The following PER3 variants were observed in gnomAD, a reference collection of about 807,000 sequenced individuals.
PER3 encodes period circadian regulator 3.
PER3 carries 107 observed loss-of-function variants against 127.2 expected under a neutral mutation model. The ratio of observed to expected loss-of-function variants is 0.84; its 90% CI spans 0.72 to 0.99. The LOEUF (loss-of-function observed/expected upper bound fraction) is 0.99. Among genes scored for constraint, PER3 ranks in the 50% least tolerant of loss-of-function variants. PER3 has a pLI of 0.00. For synonymous variants in PER3, 618 were observed against 585.8 expected (o/e 1.05, Z -0.79); for missense variants, 1,560 against 1,525.8 (o/e 1.02, Z -0.37).
chr1:7,798,023 C>A (rs554499928), intron 6 of PER3, among the ~76,000 whole-genome samples: 1 of 152,300 alleles, frequency 6.6e-6, no homozygotes, highest in South Asian at 2.1e-4. Context: ...AGCCAGATGC[C>A]TTTATAGATG....
Position 7,843,930 on chromosome 1 carries a change from T to A in PER3, c.*1175T>A. The A allele has an allele frequency of 7.8e-7, 1 of 1,284,828 alleles. No individual in the cohort carries two copies. The highest frequency in any genetic ancestry group is 1.3e-5 in the South Asian group (1 of 77,044). 79.6% of individuals were successfully genotyped at this position (1,284,828 alleles called of 1,614,324 possible). A position where few individuals can be genotyped will look rare whatever the true frequency, so the allele number is the denominator to read the frequency against. ...CCCTGATTCCTTCTTAAACTTGGAATGATAGATGAAATTCACACCCCTGCA... is the reference window on the plus strand; with the variant it reads ...CCCTGATTCCTTCTTAAACTTGGAAAGATAGATGAAATTCACACCCCTGCA... On this transcript the variant is annotated 3_prime_UTR_variant, in exon 22 of 22. Transcript: ENST00000377532.
intron 9 of PER3, 97 bp downstream of exon 9, chr1:7,803,250 G>C (rs1182199445): frequency 8.7e-5 from 68 of 785,376 alleles, no homozygotes; most frequent in Admixed American, 7.5e-5. Flanking sequence ...TTTAACCAGA[G>C]AGGCATTACA....
At chr1:7,793,935 G>T in intron 5 of PER3, 22 bp from the exon 6 acceptor site, 1 of 1,607,436 alleles carries the variant, frequency 6.2e-7, no homozygotes, top group South Asian at 1.1e-5. Flanking sequence ...GGGAGTGACT[G>T]ACCAGGCATC....
Position 7,819,974 on chromosome 1 carries a change from G to T in PER3, c.1659-141G>T. 9.0e-6 allele frequency: 7 copies of T among 779,168 alleles called. No homozygotes were observed. The South Asian group carries it at 1.2e-4, about 14-fold the overall frequency. 48.3% of individuals were successfully genotyped at this position (779,168 alleles called of 1,614,324 possible). On this transcript the variant is annotated intron_variant, in intron 14 of 21. Transcript: ENST00000377532. Reference sequence around the variant, plus strand: ...GAAATGTTACAATCCAGTGATTGAGGCTGGGATGGTCAGGGAAGACTTTAT... The same window carrying T: ...GAAATGTTACAATCCAGTGATTGAGTCTGGGATGGTCAGGGAAGACTTTAT...
rs745884057 is a variant in PER3 at position 7,803,758 on chromosome 1, A to G, written c.1046A>G (p.Asp349Gly). ...ATTCGATTTTGTACTCAAAACGGAG[A>G]CTACATCATACTGGATTCCAGTTGG... Reference protein sequence around the residue: ...SPIRFCTQNGDYIILDSSWSS... With the variant: ...SPIRFCTQNGGYIILDSSWSS... The change falls in exon 10 of 22, where the codon GAC (aspartate) becomes GGC (glycine). Residue 349 changes from aspartate (D) to glycine (G), a missense_variant. This residue lies in a region of PER3 where 1,332 missense variants were observed against 1,223.6 expected (regional missense o/e 1.09). Transcript: ENST00000377532. 1 of 1,610,746 alleles carries G rather than the reference A, an allele frequency of 6.2e-7. No homozygotes were observed. The highest frequency in any genetic ancestry group is 1.1e-5 in the South Asian group (1 of 90,992).
chr1:7,804,835 T>C (rs982603877), intron 10 of PER3, among the ~76,000 whole-genome samples: 1 of 150,926 alleles, frequency 6.6e-6, no homozygotes, highest in African/African-American at 2.4e-5. Context: ...TCTTGTAGGC[T>C]ACAGTACCCC....
At chr1:7,796,713 T>C (rs906096513) in intron 6 of PER3, among the ~76,000 whole-genome samples, 10 of 152,248 alleles carry the variant, frequency 6.6e-5, no homozygotes, top group African/African-American at 2.4e-4. Context: ...TAGAGGCTGT[T>C]ACAGAGGTAC....
Position 7,784,874 on chromosome 1 carries a change from C to T in PER3, c.-4C>T. 3.3e-6 allele frequency: 5 copies of T among 1,497,718 alleles called. No homozygotes were observed. Among genetic ancestry groups the T allele is most frequent in the South Asian group, 1.4e-5 (1 of 72,148 alleles). The allele number at this position is 1,497,718 out of a possible 1,614,324, so 92.8% of individuals were successfully genotyped here. Reference sequence around the variant, plus strand: ...ACGACGTGGAGCCCCGCGGAGACCTCGAGATGCCCCGCGGGGAAGCTCCTG... The same window carrying T: ...ACGACGTGGAGCCCCGCGGAGACCTTGAGATGCCCCGCGGGGAAGCTCCTG... On this transcript the variant is annotated 5_prime_UTR_variant, in exon 2 of 22. Coordinates refer to ENST00000377532, the MANE Select transcript of PER3 (RefSeq NM_001377275.1).
chr1:7,832,761 A>C (rs1053324690), intron 19 of PER3, among the ~76,000 whole-genome samples: 1 of 150,092 alleles, frequency 6.7e-6, no homozygotes, highest in Non-Finnish European at 1.5e-5. Flanking sequence ...TACTTGTTAG[A>C]TCTTTGAATT....
chr1:7,840,239 C>T (rs1401241342), intron 21 of PER3, among the ~76,000 whole-genome samples: 1 of 151,872 alleles, frequency 6.6e-6, no homozygotes, highest in East Asian at 1.9e-4. Flanking sequence ...TTTAGGTTTA[C>T]TATCTCTTTA....
At chr1:7,833,847 T>A (rs543304008) in intron 19 of PER3, among the ~76,000 whole-genome samples, 2 of 152,284 alleles carry the variant, frequency 1.3e-5, no homozygotes, top group South Asian at 4.1e-4. Context: ...CCTTTCGGGT[T>A]AATTGTGTAT....
In PER3 at chr1:7,819,409, C is replaced by T. The variant is rs761594413; in HGVS notation, c.1647C>T (p.Asp549=). The T allele has an allele frequency of 1.1e-5, 18 of 1,614,018 alleles. No homozygotes were observed. The South Asian group carries it at 1.8e-4, about 16-fold the overall frequency. The stretch of plus-strand genomic sequence containing the variant: ...CCTATCAACAGATCAACTGTATCGA[C>T]AGTGTCATCAGGTATGAGACCGCAA... The part of the protein sequence containing the change: ...SPSYQQINCI[D]SVIRYLKSYN... Residue 549 remains aspartate (D), a synonymous_variant, in exon 14 of 22, where the codon GAC becomes GAT. Transcript: ENST00000377532.
chr1:7,785,907 A>G lies in PER3; in HGVS notation c.274+321A>G, dbSNP rs112356104. Among the ~76,000 whole-genome samples the G allele has an allele frequency of 5.9e-5, 9 of 152,292 alleles. 1 individual carries two copies. Among genetic ancestry groups the G allele is most frequent in the African/African-American group, 1.9e-4 (8 of 41,548 alleles). On this transcript the variant is annotated intron_variant, in intron 3 of 21. Transcript: ENST00000377532. The stretch of plus-strand genomic sequence containing the variant: ...TATTGTCTTCTATGGAAGTTATGGG[A>G]AAAAAATGCATTCCACGAAATAGTT...
At chr1:7,797,647 A>G (rs926024983) in intron 6 of PER3, among the ~76,000 whole-genome samples, 6 of 151,996 alleles carry the variant, frequency 3.9e-5, no homozygotes, top group East Asian at 1.9e-4. Flanking sequence ...AAAAAAAAAA[A>G]AAAAAGAAAA....
At position 7,798,680 on chromosome 1, in the gene PER3, C is replaced by A; in HGVS notation, c.793+7C>A. On this transcript the variant is annotated splice_region_variant and intron_variant, in intron 7 of 21. Coordinates refer to ENST00000377532, the MANE Select transcript of PER3 (RefSeq NM_001377275.1). ...ATTCACTCTGGTTATGAAGGTAAGT[C>A]AGTAGATAAGATGCAGAAATGTCAG... The A allele has an allele frequency of 6.2e-7, 1 of 1,609,884 alleles. No homozygotes were observed. Among genetic ancestry groups the A allele is most frequent in the South Asian group, 1.1e-5 (1 of 90,902 alleles).
At chr1:7,836,890 G>C in intron 20 of PER3, 109 bp from the exon 21 acceptor site, 1 of 731,058 alleles carries the variant, frequency 1.4e-6, no homozygotes, top group Non-Finnish European at 2.2e-6. Context: ...TCATGTGTTA[G>C]AAAATGTAAG....
At chr1:7,819,187 A>G in intron 13 of PER3, 98 bp from the exon 14 acceptor site, 1 of 989,260 alleles carries the variant, frequency 1.0e-6, no homozygotes. Context: ...GTTGATATAT[A>G]CATGATAAAG....
intron 3 of PER3, among the ~76,000 whole-genome samples, chr1:7,786,113 G>T (rs879698852): frequency 1.3e-5 from 2 of 152,144 alleles, no homozygotes; most frequent in Admixed American, 6.5e-5. Context: ...AAAATTAGCC[G>T]GGTGTGGTGG....
rs754841212 is a variant in PER3, at chr1:7,784,926, G to A, written c.49G>A (p.Glu17Lys). 2.7e-5 allele frequency: 41 copies of A among 1,535,570 alleles called. No individual in the cohort carries two copies. The highest frequency in any genetic ancestry group is 3.5e-5 in the Non-Finnish European group (40 of 1,153,598). Residue 17 changes from glutamate (E) to lysine (K), a missense_variant, in exon 2 of 22, where the codon GAG becomes AAG. Glu to Lys is a moderately conservative substitution (Grantham distance 56). This residue lies in a region of PER3 where 1,332 missense variants were observed against 1,223.6 expected (regional missense o/e 1.09). Coordinates refer to ENST00000377532, the MANE Select transcript of PER3 (RefSeq NM_001377275.1). ...CCCCGGGAGACGGGGGGCTAAGGAC[G>A]AGGCCCTGGGCGAAGAATCGGGGGA... ...PGPGRRGAKD[E>K]ALGEESGERW...
Sources: gnomAD v4.1 joint callset for allele counts (sites outside exome capture counted in the v4.1 genomes callset) on GRCh38, gnomAD v4.1.1 for gene constraint, gnomAD v4.1.1 regional missense constraint, MANE v1.5 for transcripts, NCBI Gene and HGNC (gene_info 2026-07-23, HGNC 2026-07-21) for gene names.